RARS1: variants seen among roughly 807,000 people sequenced by gnomAD.
The protein encoded by RARS1 is arginine--tRNA ligase, cytoplasmic.
A neutral mutation model predicts 78.7 loss-of-function variants in RARS1; 75 were observed. The observed-to-expected ratio is 0.95, with a 90% CI of 0.79 to 1.15. The LOEUF (loss-of-function observed/expected upper bound fraction) is 1.15, where lower values mean the gene tolerates loss of function less well. RARS1 is among the 50% of genes most tolerant of loss of function. The pLI is 0.00. For missense variants in RARS1, 787 were observed against 787.5 expected (o/e 1.00, Z 0.01); for synonymous variants, 273 against 268.2 (o/e 1.02, Z -0.18).
intron 8 of RARS1, 42 bp downstream of exon 8, chr5:168,500,762 G>A (rs776524849): frequency 6.3e-7 from 1 of 1,586,216 alleles, no homozygotes; most frequent in Admixed American, 1.8e-5. Context: ...CAAATACTAT[G>A]TATATCATTT....
At chr5:168,488,574 A>T in intron 1 of RARS1, 28 bp from the exon 2 acceptor site, 1 of 1,591,106 alleles carries the variant, frequency 6.3e-7, no homozygotes. Flanking sequence ...AAGTTTATGG[A>T]CTGAAAAAAG....
intron 13 of RARS1, 66 bp downstream of exon 13, chr5:168,517,016 T>C: frequency 6.7e-7 from 1 of 1,502,246 alleles, no homozygotes; most frequent in Non-Finnish European, 9.0e-7. Flanking sequence ...CTCAAAAATA[T>C]TTTCTTTTTT....
At chr5:168,488,766 C>A (rs776542969) in intron 2 of RARS1, 30 bp downstream of exon 2, 1 of 1,562,718 alleles carries the variant, frequency 6.4e-7, no homozygotes, top group East Asian at 2.3e-5. Flanking sequence ...GTTTTATTCT[C>A]CAGTTTGAAT....
intron 11 of RARS1, 152 bp from the exon 12 acceptor site, chr5:168,510,429 C>T: frequency 1.6e-6 from 1 of 635,144 alleles, no homozygotes; most frequent in Non-Finnish European, 2.8e-6. Flanking sequence ...GGCATCAACC[C>T]TCTCTTAATA....
At chr5:168,494,525 A>T in intron 4 of RARS1, 25 bp from the exon 5 acceptor site, 2 of 1,604,544 alleles carry the variant, frequency 1.2e-6, no homozygotes, top group Non-Finnish European at 1.7e-6. Context: ...ACAGTATCTG[A>T]TATTTTTTCT....
At chr5:168,510,724 A>T in intron 12 of RARS1, 38 bp downstream of exon 12, 3 of 1,460,092 alleles carry the variant, frequency 2.1e-6, no homozygotes, top group Non-Finnish European at 2.8e-6. Flanking sequence ...TGTATCAAGC[A>T]TTGTGATTTT....
At chr5:168,504,031 A>G (rs1561823976) in intron 9 of RARS1, among the ~76,000 whole-genome samples, 2 of 151,016 alleles carry the variant, frequency 1.3e-5, no homozygotes, top group Admixed American at 6.6e-5. Flanking sequence ...ACTGCACTAC[A>G]GCCTGGGAAA....
At chr5:168,498,269 G>T (rs1024121123) in intron 7 of RARS1, among the ~76,000 whole-genome samples, 1 of 151,738 alleles carries the variant, frequency 6.6e-6, no homozygotes, top group Non-Finnish European at 1.5e-5. Flanking sequence ...AAAAAAAAAT[G>T]AATTATACCA....
intron 1 of RARS1, 56 bp downstream of exon 1, chr5:168,486,599 T>C: frequency 6.5e-7 from 1 of 1,537,270 alleles, no homozygotes; most frequent in Non-Finnish European, 8.8e-7. Flanking sequence ...AGGCTCTGAC[T>C]CCTGCCCAAG....
In RARS1 at chr5:168,488,637, C is replaced by T; in HGVS notation, c.81C>T (p.Asp27=). The T allele has an allele frequency of 6.2e-7, 1 of 1,610,010 alleles. No individual in the cohort carries two copies. The highest frequency in any genetic ancestry group is 8.5e-7 in the Non-Finnish European group (1 of 1,179,142). ...TTAAATCTCTGACTGCTGAAATTGA[C>T]CGGTTGAAAAACTGTGGCTGTTTAG... The part of the protein sequence containing the change: ...EEIKSLTAEI[D]RLKNCGCLGA... The change falls in exon 2 of 15, where the codon GAC becomes GAT. Residue 27 remains aspartate, a synonymous_variant. Coordinates refer to ENST00000231572, the MANE Select transcript of RARS1 (RefSeq NM_002887.4).
chr5:168,492,921 A>T, intron 3 of RARS1, 74 bp downstream of exon 3: 2 of 1,287,024 alleles, frequency 1.6e-6, no homozygotes, highest in Non-Finnish European at 2.2e-6. Flanking sequence ...TTACAGAAAT[A>T]ATACTATTAC....
At chr5:168,501,809 G>A (rs1561822987) in intron 8 of RARS1, among the ~76,000 whole-genome samples, 192 bp from the exon 9 acceptor site, 1 of 152,086 alleles carries the variant, frequency 6.6e-6, no homozygotes, top group Non-Finnish European at 1.5e-5. Flanking sequence ...ATTTTGATGT[G>A]TACCTTACCA....
intron 7 of RARS1, 102 bp downstream of exon 7, chr5:168,497,450 T>A: frequency 9.5e-7 from 1 of 1,048,404 alleles, no homozygotes; most frequent in Non-Finnish European, 1.3e-6. Context: ...TACTATGGAG[T>A]TAAGTGAAAG....
At chr5:168,505,967 A>G in intron 9 of RARS1, 54 bp from the exon 10 acceptor site, 2 of 1,397,612 alleles carry the variant, frequency 1.4e-6, no homozygotes, top group Non-Finnish European at 2.0e-6. Flanking sequence ...GTAAGCATTC[A>G]TTTTCCTTCA....
chr5:168,518,067 G>GT lies in RARS1; in HGVS notation c.1873+6dup. On this transcript the variant is annotated splice_donor_region_variant and intron_variant, in intron 14 of 14. Coordinates refer to ENST00000231572, the MANE Select transcript of RARS1 (RefSeq NM_002887.4). ...TGGAGAAAGATAGACAGACTGGTGA[G>GT]TGTCTTTTTTTTTTTTTTTTTTTTT... 1.3e-6 allele frequency: 1 copy of GT among 782,170 alleles called. No individual in the cohort carries two copies. Among genetic ancestry groups the GT allele is most frequent in the South Asian group, 2.5e-5 (1 of 39,312 alleles). The allele number at this position is 782,170 out of a possible 1,614,324, so 48.5% of individuals were successfully genotyped here. A position where few individuals can be genotyped will look rare whatever the true frequency, so the allele number is the denominator to read the frequency against.
intron 9 of RARS1, 62 bp from the exon 10 acceptor site, chr5:168,505,959 A>T: frequency 8.0e-7 from 1 of 1,244,776 alleles, no homozygotes; most frequent in South Asian, 1.4e-5. Context: ...TAGAATGAGT[A>T]AGCATTCATT....
intron 11 of RARS1, among the ~76,000 whole-genome samples, chr5:168,507,778 G>A (rs759612222): frequency 2.6e-5 from 4 of 151,672 alleles, no homozygotes; most frequent in East Asian, 1.9e-4. Context: ...TGGCTCTCAC[G>A]CCTGTAATTC....
At chr5:168,511,979 C>T (rs1018275005) in intron 12 of RARS1, among the ~76,000 whole-genome samples, 2 of 152,158 alleles carry the variant, frequency 1.3e-5, no homozygotes, top group African/African-American at 4.8e-5. Flanking sequence ...ATCATTCTAC[C>T]TCAGCCTCCC....
intron 12 of RARS1, among the ~76,000 whole-genome samples, chr5:168,515,982 G>C (rs1582443260): frequency 6.6e-6 from 1 of 151,996 alleles, no homozygotes; most frequent in Non-Finnish European, 1.5e-5. Context: ...CTAAACTCTT[G>C]TCTTCTCACC....
Sources: allele counts gnomAD v4.1 joint callset (sites outside exome capture counted in the v4.1 genomes callset), GRCh38; gene constraint gnomAD v4.1.1; transcripts MANE v1.5; gene names NCBI Gene and HGNC (gene_info 2026-07-23, HGNC 2026-07-21).